The following CHRNA5 variants were observed in gnomAD, a reference collection of about 807,000 sequenced individuals.
CHRNA5 encodes the protein neuronal acetylcholine receptor subunit alpha-5.
A neutral mutation model predicts 41.2 loss-of-function variants in CHRNA5; 28 were observed. The ratio of observed to expected loss-of-function variants is 0.68; its 90% CI spans 0.50 to 0.93. The LOEUF (loss-of-function observed/expected upper bound fraction) is 0.93, where lower values mean the gene tolerates loss of function less well. Among genes scored for constraint, CHRNA5 ranks in the 40% least tolerant of loss-of-function variants. CHRNA5 has a pLI of 0.00. For synonymous variants in CHRNA5, 188 were observed against 205.8 expected, an observed-to-expected ratio of 0.91 and a Z score of 0.74; for missense variants, 481 against 581.9, an observed-to-expected ratio of 0.83 and a Z score of 1.78.
intron 2 of CHRNA5, among the ~76,000 whole-genome samples, chr15:78,584,676 C>G (rs1205801374): frequency 1.3e-5 from 2 of 152,158 alleles, no homozygotes; most frequent in East Asian, 3.8e-4. Flanking sequence ...GGGAAAGGCC[C>G]ATAAGTTTCA....
At chr15:78,565,753 C>A (rs2052740793) in exon 1 of CHRNA5, 11 of 1,207,588 alleles carry the variant, frequency 9.1e-6, no homozygotes, top group Non-Finnish European at 1.0e-6. Context: ...CCGCGCGCTC[C>A]GCCTGCTGCT....
chr15:78,592,802 T>TAAAA (rs1317718969), intron 5 of CHRNA5, among the ~76,000 whole-genome samples: 19 of 152,202 alleles, frequency 1.2e-4, no homozygotes, highest in African/African-American at 3.4e-4. Context: ...TTTTTTAGTT[T>TAAAA]ATTGTAAAAT....
intron 1 of CHRNA5, among the ~76,000 whole-genome samples, chr15:78,575,040 G>A (rs2052844638): frequency 6.6e-6 from 1 of 151,748 alleles, no homozygotes; most frequent in African/African-American, 2.4e-5. Flanking sequence ...CTTATTAGTG[G>A]TGCCAAGTAT....
At chr15:78,589,519 A>G in intron 4 of CHRNA5, 1 of 308,604 alleles carries the variant, frequency 3.2e-6, no homozygotes, top group Non-Finnish European at 5.9e-6. Context: ...TTCTGTGTGT[A>G]AGGTGAGGTC....
Position 78,576,798 on chromosome 15 carries a change from C to CA in CHRNA5, c.107-3998dup, listed in dbSNP as rs150275412. ...TGGGTGACAGGGCGAGACCCAGTCT[C>CA]AAAAAAAAAAAAAAACAAAAAAAGC... is the stretch of plus-strand genomic sequence containing the variant. On this transcript the variant is annotated intron_variant, in intron 1 of 5. Transcript: ENST00000299565. 4.8e-3 allele frequency among the ~76,000 whole-genome samples: 468 copies of CA among 97,354 alleles called. 1 individual carries two copies. The highest frequency in any genetic ancestry group is 0.01 in the Middle Eastern group (2 of 200). 63.9% of individuals were successfully genotyped at this position (97,354 alleles called of 152,430 possible).
At chr15:78,575,319 C>G (rs2052847156) in intron 1 of CHRNA5, among the ~76,000 whole-genome samples, 2 of 152,080 alleles carry the variant, frequency 1.3e-5, no homozygotes, top group Non-Finnish European at 2.9e-5. Context: ...GTTAGGTATT[C>G]AACTTAGTTT....
At chr15:78,593,098 G>A (rs2141426913) in exon 6 of CHRNA5, 2 of 1,604,300 alleles carry the variant, frequency 1.2e-6, no homozygotes, top group Non-Finnish European at 1.7e-6. Flanking sequence ...ACAGGTTGTT[G>A]AAGATTGGAA....
At chr15:78,590,832 C>T (rs2053006377) in intron 5 of CHRNA5, 196 bp downstream of exon 5, 1 of 559,890 alleles carries the variant, frequency 1.8e-6, no homozygotes, top group Admixed American at 3.5e-5. Flanking sequence ...CAAAATGGGG[C>T]ATTTACACAA....
chr15:78,569,369 AGAT>A (rs1283279952), intron 1 of CHRNA5, among the ~76,000 whole-genome samples: 2 of 152,126 alleles, frequency 1.3e-5, no homozygotes, highest in Non-Finnish European at 2.9e-5. Context: ...TTAAATTATC[AGAT>A]GATAGTTTAA....
chr15:78,566,176 C>T (rs745377507), intron 1 of CHRNA5, among the ~76,000 whole-genome samples: 10 of 152,098 alleles, frequency 6.6e-5, no homozygotes, highest in Non-Finnish European at 1.5e-4. Context: ...CATTTTGTTG[C>T]CCATTTACGG....
chr15:78,574,366 G>A (rs2052837550), intron 1 of CHRNA5, among the ~76,000 whole-genome samples: 3 of 130,182 alleles, frequency 2.3e-5, no homozygotes, highest in South Asian at 5.4e-4. Context: ...GCCAACAGGA[G>A]CTAAACGCTG....
At chr15:78,576,263 C>T (rs2052855595) in intron 1 of CHRNA5, among the ~76,000 whole-genome samples, 1 of 152,150 alleles carries the variant, frequency 6.6e-6, no homozygotes, top group Non-Finnish European at 1.5e-5. Flanking sequence ...CCTCCTACCT[C>T]AGCCTCCCTA....
Position 78,569,680 on chromosome 15 carries a change from G to A in CHRNA5, c.106+3855G>A, listed in dbSNP as rs1446413808. ...GATCTCCTGACCTCATGACCCGCCC[G>A]CCTCGGCGTCCCAAAGTGCTGGGAT... On this transcript the variant is annotated intron_variant, in intron 1 of 5. Coordinates refer to ENST00000299565, the Ensembl canonical transcript of CHRNA5. Among the ~76,000 whole-genome samples the A allele has an allele frequency of 4.6e-5, 7 of 152,164 alleles. No homozygotes were observed. In the South Asian group the frequency reaches 1.5e-3, roughly 32 times the overall value.
At chr15:78,568,666 A>T (rs1044069503) in intron 1 of CHRNA5, among the ~76,000 whole-genome samples, 5 of 151,974 alleles carry the variant, frequency 3.3e-5, no homozygotes, top group African/African-American at 1.2e-4. Flanking sequence ...CTGATGTGTG[A>T]TGTTCCCCTC....
chr15:78,576,542 G>A (rs1171052110), intron 1 of CHRNA5, among the ~76,000 whole-genome samples: 1 of 152,200 alleles, frequency 6.6e-6, no homozygotes, highest in African/African-American at 2.4e-5. Flanking sequence ...AGCACTTTGG[G>A]AGATTAAGGT....
intron 2 of CHRNA5, among the ~76,000 whole-genome samples, chr15:78,586,377 A>T (rs569401765): frequency 2.6e-5 from 4 of 152,366 alleles, no homozygotes; most frequent in African/African-American, 9.6e-5. Context: ...ATATGAGGAA[A>T]TATAGTAGTT....
chr15:78,569,101 G>T (rs998334239), intron 1 of CHRNA5, among the ~76,000 whole-genome samples: 2 of 152,090 alleles, frequency 1.3e-5, no homozygotes, highest in East Asian at 3.9e-4. Context: ...TGATTTCCAA[G>T]AAATACTAAA....
chr15:78,589,890 A>G, exon 5 of CHRNA5: 2 of 1,614,192 alleles, frequency 1.2e-6, no homozygotes, highest in Non-Finnish European at 1.7e-6. Context: ...GGCAAACTAC[A>G]AAAGTTCCTG....
intron 1 of CHRNA5, among the ~76,000 whole-genome samples, chr15:78,577,282 T>C (rs1334757481): frequency 1.3e-5 from 2 of 152,170 alleles, no homozygotes; most frequent in African/African-American, 4.8e-5. Context: ...ATGCATTGGA[T>C]TGTCTCCTTT....
Sources: allele counts gnomAD v4.1 joint callset (sites outside exome capture counted in the v4.1 genomes callset), GRCh38; gene constraint gnomAD v4.1.1; transcripts MANE v1.5; gene names NCBI Gene and HGNC (gene_info 2026-07-23, HGNC 2026-07-21).